The following FAM227B variants were observed in gnomAD, a reference collection of about 807,000 sequenced individuals.
FAM227B encodes family with sequence similarity 227 member B, also known as protein FAM227B.
A neutral mutation model predicts 73.8 loss-of-function variants in FAM227B; 88 were observed. The observed-to-expected ratio is 1.19, with a 90% confidence interval of 1.00 to 1.42. The LOEUF (loss-of-function observed/expected upper bound fraction) is 1.42. FAM227B is among the 40% of genes most tolerant of loss of function. The pLI is 0.00. For missense variants in FAM227B, 632 were observed against 590.9 expected (o/e 1.07, Z -0.72); for synonymous variants, 210 against 190.5 (o/e 1.10, Z -0.84).
chr15:49,463,541 A>T (rs2053990110), intron 11 of FAM227B, among the ~76,000 whole-genome samples: 1 of 130,926 alleles, frequency 7.6e-6, no homozygotes. Flanking sequence ...ACACAGTGAG[A>T]TTCCGTCTCA....
chr15:49,592,258 G>C (rs2076624733), intron 3 of FAM227B, among the ~76,000 whole-genome samples: 1 of 152,124 alleles, frequency 6.6e-6, no homozygotes, highest in African/African-American at 2.4e-5. Flanking sequence ...CTGGTTTTTA[G>C]AATTTTCAGA....
At chr15:49,392,384 G>A (rs1330185552) in intron 11 of FAM227B, among the ~76,000 whole-genome samples, 1 of 152,112 alleles carries the variant, frequency 6.6e-6, no homozygotes, top group Non-Finnish European at 1.5e-5. Flanking sequence ...CATGGGGAAG[G>A]ACCTGCAAAA....
chr15:49,373,354 A>T (rs1247831017), intron 11 of FAM227B, among the ~76,000 whole-genome samples: 2 of 152,120 alleles, frequency 1.3e-5, no homozygotes, highest in Admixed American at 1.3e-4. Context: ...AAACTCATCT[A>T]CATATGATGA....
intron 11 of FAM227B, among the ~76,000 whole-genome samples, chr15:49,416,316 G>C (rs1408920900): frequency 6.6e-6 from 1 of 151,930 alleles, no homozygotes. Context: ...GATGAATCAA[G>C]GAAATAAGTA....
chr15:49,354,485 G>A (rs539495497), intron 13 of FAM227B, among the ~76,000 whole-genome samples: 80 of 152,298 alleles, frequency 5.3e-4, no homozygotes, highest in African/African-American at 1.5e-3. Context: ...AAGGGGTGAC[G>A]GACGGCACCT....
At chr15:49,350,644 A>G (rs1451783820) in intron 13 of FAM227B, among the ~76,000 whole-genome samples, 2 of 152,158 alleles carry the variant, frequency 1.3e-5, no homozygotes, top group African/African-American at 4.8e-5. Flanking sequence ...CAGAACCCCT[A>G]TGAGGGTACT....
chr15:49,422,120 T>TAGAGAGAGAGAGAGAGAGAC (rs2049692426), intron 11 of FAM227B, among the ~76,000 whole-genome samples: 1 of 134,464 alleles, frequency 7.4e-6, no homozygotes, highest in African/African-American at 2.8e-5. Flanking sequence ...GCATTTCACA[T>TAGAGAGAGAGAGAGAGAGAC]AGAGAGAGAG....
chr15:49,560,394 A>G (rs2074147952), intron 9 of FAM227B, among the ~76,000 whole-genome samples: 2 of 152,224 alleles, frequency 1.3e-5, no homozygotes, highest in African/African-American at 4.8e-5. Context: ...AACCAAACCT[A>G]TGAATTACTG....
At chr15:49,471,172 C>A (rs771827483) in intron 11 of FAM227B, among the ~76,000 whole-genome samples, 1 of 152,052 alleles carries the variant, frequency 6.6e-6, no homozygotes, top group Non-Finnish European at 1.5e-5. Flanking sequence ...GCTAGGGAAT[C>A]CAAACCATCA....
rs1401220982 is a variant in FAM227B at position 49,533,870 on chromosome 15, T to C, written c.874+7810A>G. The stretch of plus-strand genomic sequence containing the variant: ...GAGATTGTAATCCATTTAAATTCAA[T>C]GTAATTGAAACGTAAGGACTTACTC... On this transcript the variant is annotated intron_variant, in intron 10 of 15. Coordinates refer to ENST00000299338, the MANE Select transcript of FAM227B (RefSeq NM_152647.3). Among the ~76,000 whole-genome samples the C allele has an allele frequency of 3.3e-5, 5 of 152,026 alleles. No homozygotes were observed. In the East Asian group the frequency reaches 7.7e-4, roughly 23 times the overall value.
chr15:49,556,161 C>G (rs2073653125), intron 9 of FAM227B, among the ~76,000 whole-genome samples: 1 of 152,134 alleles, frequency 6.6e-6, no homozygotes, highest in Admixed American at 6.5e-5. Context: ...TTTTTGAGTT[C>G]CCAGAGTTCT....
At chr15:49,619,117 A>T (rs1405201487) in intron 1 of FAM227B, among the ~76,000 whole-genome samples, 1 of 152,210 alleles carries the variant, frequency 6.6e-6, no homozygotes, top group East Asian at 1.9e-4. Context: ...TCTGGCCTTG[A>T]ATTTAACATT....
Position 49,551,154 on chromosome 15 carries a change from C to T in FAM227B, c.748-9348G>A, listed in dbSNP as rs527789750. ...AAAACCAGTCAGGCGTGGCGTCACG[C>T]GCCTGCAATTGCAGGCACTCGGCAG... On this transcript the variant is annotated intron_variant, in intron 9 of 15. Transcript: ENST00000299338. 1.4e-3 allele frequency among the ~76,000 whole-genome samples: 211 copies of T among 152,318 alleles called. 1 individual carries two copies. Among genetic ancestry groups the T allele is most frequent in the Middle Eastern group, 3.4e-3 (1 of 294 alleles).
rs369947057 is a variant in FAM227B, at chr15:49,565,378, T to C, written c.747+2867A>G. Among the ~76,000 whole-genome samples the C allele has an allele frequency of 3.0e-3, 307 of 102,536 alleles. 2 individuals are homozygous for C. Among genetic ancestry groups the C allele is most frequent in the African/African-American group, 0.013 (293 of 22,722 alleles). The allele number at this position is 102,536 out of a possible 152,430, so 67.3% of individuals were successfully genotyped here. A position where few individuals can be genotyped will look rare whatever the true frequency, so the allele number is the denominator to read the frequency against. ...GCCTGGGTGACAGAGTGAGACTCCATCTCAAAAAAAAAAAAAAAAAAATCA... is the reference window on the plus strand; with the variant it reads ...GCCTGGGTGACAGAGTGAGACTCCACCTCAAAAAAAAAAAAAAAAAAATCA... On this transcript the variant is annotated intron_variant, in intron 9 of 15. Coordinates refer to ENST00000299338, the MANE Select transcript of FAM227B (RefSeq NM_152647.3).
rs370940276 is a variant in FAM227B, at chr15:49,442,511, T to C, written c.1012+65700A>G. On this transcript the variant is annotated intron_variant, in intron 11 of 15. Transcript: ENST00000299338. ...AGACTTTAGAACCAGGAGTTGGAAG[T>C]ATTATAGGTCTTTCCATCTATTATA... Among the ~76,000 whole-genome samples the C allele has an allele frequency of 2.4e-4, 37 of 151,836 alleles. 1 individual carries two copies. The South Asian group carries it at 4.4e-3, about 18-fold the overall frequency.
intron 11 of FAM227B, chr15:49,425,546 T>C (rs1687543469): frequency 6.6e-6 from 1 of 151,982 alleles, no homozygotes; most frequent in Admixed American, 6.6e-5. Flanking sequence ...TTCATATTAA[T>C]TGTTTTAAAG....
intron 11 of FAM227B, among the ~76,000 whole-genome samples, chr15:49,380,801 T>G (rs964091325): frequency 6.6e-6 from 1 of 152,184 alleles, no homozygotes; most frequent in African/African-American, 2.4e-5. Flanking sequence ...TTGATTTAAT[T>G]GGCCCCTTGT....
intron 11 of FAM227B, among the ~76,000 whole-genome samples, chr15:49,504,086 C>A (rs1409370601): frequency 1.3e-5 from 2 of 152,058 alleles, no homozygotes; most frequent in African/African-American, 4.8e-5. Context: ...CCATGGAATA[C>A]TATGCAGCCA....
At chr15:49,585,827 A>G (rs539313710) in intron 5 of FAM227B, among the ~76,000 whole-genome samples, 1 of 152,224 alleles carries the variant, frequency 6.6e-6, no homozygotes, top group Non-Finnish European at 1.5e-5. Flanking sequence ...ATGTACCCTA[A>G]AACTTAAAGT....
Sources: allele counts gnomAD v4.1 joint callset (sites outside exome capture counted in the v4.1 genomes callset), GRCh38; gene constraint gnomAD v4.1.1; transcripts MANE v1.5; gene names NCBI Gene and HGNC (gene_info 2026-07-23, HGNC 2026-07-21).